Variants in PTPN5 observed in about 807,000 individuals in gnomAD.
PTPN5 encodes protein tyrosine phosphatase non-receptor type 5.
In PTPN5, 29 loss-of-function variants were observed where a neutral mutation model predicts 73.9. The observed-to-expected ratio is 0.39, with a 90% CI of 0.29 to 0.54. The LOEUF (loss-of-function observed/expected upper bound fraction) is 0.54, where lower values mean the gene tolerates loss of function less well. Ranked by LOEUF, PTPN5 falls within the 20% of genes least tolerant of loss-of-function variation. The pLI is 0.65. For synonymous variants in PTPN5, 267 were observed against 304.7 expected, an observed-to-expected ratio of 0.88 and a Z score of 1.29; for missense variants, 652 against 751.4, an observed-to-expected ratio of 0.87 and a Z score of 1.55.
chr11:18,764,446 C>A (rs545379718), intron 3 of PTPN5, among the ~76,000 whole-genome samples: 1 of 152,348 alleles, frequency 6.6e-6, no homozygotes, highest in East Asian at 1.9e-4. Flanking sequence ...GTGTTTTGAG[C>A]AATGGCACCC....
chr11:18,755,309 G>A (rs1213180419), intron 3 of PTPN5, among the ~76,000 whole-genome samples: 1 of 152,224 alleles, frequency 6.6e-6, no homozygotes, highest in Non-Finnish European at 1.5e-5. Context: ...TTGAGATGTT[G>A]TGAGAGATCA....
chr11:18,731,844 AT>A (rs1295047896), intron 12 of PTPN5, among the ~76,000 whole-genome samples: 7 of 152,160 alleles, frequency 4.6e-5, no homozygotes, highest in Non-Finnish European at 7.4e-5. Flanking sequence ...CTGCTCCTGG[AT>A]AGGGCATCAG....
At chr11:18,770,155 A>G (rs1201362041) in intron 2 of PTPN5, among the ~76,000 whole-genome samples, 1 of 152,250 alleles carries the variant, frequency 6.6e-6, no homozygotes, top group Non-Finnish European at 1.5e-5. Context: ...CATAGCATAA[A>G]ATTCAACATT....
Position 18,745,742 on chromosome 11 carries a change from AT to A in PTPN5, c.98-1544del, listed in dbSNP as rs561130674. On this transcript the variant is annotated intron_variant, in intron 3 of 14. Transcript: ENST00000358540. ...TCTGTGTGCCTGGGTTAATTTTTTA[AT>A]TCTTCACAGCACCCCTATGGAGTTG... Among the ~76,000 whole-genome samples the A allele has an allele frequency of 2.6e-5, 4 of 152,142 alleles. No homozygotes were observed. The South Asian group carries it at 8.3e-4, about 32-fold the overall frequency.
At position 18,744,179 on chromosome 11, in the gene PTPN5, T is replaced by G. The variant is rs1425975153; in HGVS notation, c.118A>C (p.Met40Leu). 5 of 1,574,646 alleles carry G rather than the reference T, an allele frequency of 3.2e-6. No individual in the cohort carries two copies. Among genetic ancestry groups the G allele is most frequent in the East Asian group, 2.4e-5 (1 of 42,520 alleles). ...CCTTCAGCCTCGTCCAGTGCCTCCATCACTATCGGCTGGGGGAGACCTGTG... is the reference window on the plus strand; with the variant it reads ...CCTTCAGCCTCGTCCAGTGCCTCCAGCACTATCGGCTGGGGGAGACCTGTG... ...RLPGLPQPIV[M>L]EALDEAEGLQ... The change falls in exon 4 of 15, where the codon ATG (methionine) becomes CTG (leucine). Residue 40 changes from methionine (M) to leucine (L), a missense_variant. By Grantham distance (15) the Met-to-Leu change is conservative. Coordinates refer to ENST00000358540, the MANE Select transcript of PTPN5 (RefSeq NM_006906.2).
At chr11:18,743,973 T>C in intron 4 of PTPN5, 33 bp downstream of exon 4, 1 of 1,561,654 alleles carries the variant, frequency 6.4e-7, no homozygotes, top group South Asian at 1.2e-5. Context: ...CCACCCTCTC[T>C]CCAGACCCTT....
chr11:18,789,224 T>C (rs1292409745), intron 1 of PTPN5, among the ~76,000 whole-genome samples: 4 of 152,204 alleles, frequency 2.6e-5, no homozygotes, highest in Admixed American at 2.6e-4. Context: ...TGTTAGGGAC[T>C]GTACTAAGTA....
At chr11:18,783,887 A>T (rs1851552715) in intron 1 of PTPN5, among the ~76,000 whole-genome samples, 3 of 151,978 alleles carry the variant, frequency 2.0e-5, no homozygotes, top group African/African-American at 7.3e-5. Context: ...TTCTTTTTCC[A>T]CCCACAATGC....
At chr11:18,737,801 T>G (rs1038120091) in intron 9 of PTPN5, 79 bp downstream of exon 9, 51 of 1,288,128 alleles carry the variant, frequency 4.0e-5, no homozygotes, top group Non-Finnish European at 5.0e-5. Context: ...GAGGCCCAGC[T>G]GAGGGTCCTC....
At chr11:18,784,491 G>C (rs1851580887) in intron 1 of PTPN5, among the ~76,000 whole-genome samples, 1 of 152,184 alleles carries the variant, frequency 6.6e-6, no homozygotes, top group Non-Finnish European at 1.5e-5. Flanking sequence ...GAGGCTGGGG[G>C]AGATGGGAAT....
chr11:18,780,650 C>T (rs900682561), intron 1 of PTPN5, among the ~76,000 whole-genome samples: 1 of 152,142 alleles, frequency 6.6e-6, no homozygotes, highest in East Asian at 1.9e-4. Flanking sequence ...ATCCTTCCCC[C>T]AGCACTTTTT....
intron 1 of PTPN5, among the ~76,000 whole-genome samples, chr11:18,780,434 C>A (rs1350783339): frequency 1.3e-5 from 2 of 152,222 alleles, no homozygotes; most frequent in African/African-American, 4.8e-5. Context: ...TCCTGCCACA[C>A]CCTGCTGTGG....
chr11:18,742,307 G>C lies in PTPN5; in HGVS notation c.680C>G (p.Ala227Gly). 1 of 1,614,140 alleles carries C rather than the reference G, an allele frequency of 6.2e-7. No homozygotes were observed. Among genetic ancestry groups the C allele is most frequent in the Non-Finnish European group, 8.5e-7 (1 of 1,180,022 alleles). The change falls in exon 7 of 15, where the codon GCT becomes GGT. Residue 227 changes from alanine (A) to glycine (G), a missense_variant. Physicochemically the swap from Ala to Gly is moderately conservative, Grantham distance 60 (BLOSUM62 0). Coordinates refer to ENST00000358540, the MANE Select transcript of PTPN5 (RefSeq NM_006906.2). This position sits in a 1 kb window ranked among gnomAD's most constrained non-coding sequence, Gnocchi z 4.1. ...CTTGACGGTGAGTGAGGTGGGGTCA[G>C]CCTCAGGCTTGATGTCCATCACACA... ...FDCVMDIKPE[A>G]DPTSLTVKSM... is the part of the protein sequence containing the mutation.
intron 3 of PTPN5, among the ~76,000 whole-genome samples, chr11:18,764,443 G>A (rs1850539482): frequency 6.6e-6 from 1 of 152,184 alleles, no homozygotes; most frequent in Admixed American, 6.5e-5. Flanking sequence ...CAAGTGTTTT[G>A]AGCAATGGCA....
At chr11:18,741,593 C>T (rs903058814) in intron 7 of PTPN5, among the ~76,000 whole-genome samples, 2 of 152,076 alleles carry the variant, frequency 1.3e-5, no homozygotes, top group Non-Finnish European at 2.9e-5. Context: ...GACTCTGAAA[C>T]GAGGGTGTCT....
At chr11:18,746,103 T>A (rs900439902) in intron 3 of PTPN5, among the ~76,000 whole-genome samples, 3 of 148,864 alleles carry the variant, frequency 2.0e-5, no homozygotes, top group African/African-American at 7.4e-5. Context: ...TTTACTCAGT[T>A]TTTTTTGCCT....
At chr11:18,781,975 G>A (rs536337203) in intron 1 of PTPN5, among the ~76,000 whole-genome samples, 9 of 152,338 alleles carry the variant, frequency 5.9e-5, no homozygotes, top group African/African-American at 2.2e-4. Context: ...AAGGCCCGGA[G>A]AGGTGAAAGC....
chr11:18,769,704 AGGGACT>A (rs1054875416), intron 2 of PTPN5, among the ~76,000 whole-genome samples: 1 of 152,194 alleles, frequency 6.6e-6, no homozygotes, highest in African/African-American at 2.4e-5. Context: ...GCGCCCGGCC[AGGGACT>A]GGTTTTTAAA....
intron 1 of PTPN5, among the ~76,000 whole-genome samples, chr11:18,774,072 G>C (rs1851033731): frequency 6.6e-6 from 1 of 152,218 alleles, no homozygotes; most frequent in Non-Finnish European, 1.5e-5. Context: ...CTTCCCTGGG[G>C]ATAGGTCTTC....
Sources: gnomAD v4.1 joint callset for allele counts (sites outside exome capture counted in the v4.1 genomes callset) on GRCh38, gnomAD v4.1.1 for gene constraint, Gnocchi (gnomAD v3.1) non-coding constraint, MANE v1.5 for transcripts, NCBI Gene and HGNC (gene_info 2026-07-23, HGNC 2026-07-21) for gene names.